ELAPOR2: variants seen among roughly 807,000 people sequenced by gnomAD.
ELAPOR2 encodes endosome/lysosome-associated apoptosis and autophagy regulator family member 2.
In ELAPOR2, 89 loss-of-function variants were observed where a neutral mutation model predicts 120.7. The ratio of observed to expected loss-of-function variants is 0.74; its 90% CI spans 0.62 to 0.88. ELAPOR2 has a LOEUF of 0.88. Among genes scored for constraint, ELAPOR2 ranks in the 40% least tolerant of loss-of-function variants. The pLI, the probability that ELAPOR2 is intolerant of heterozygous loss-of-function variation, is 0.00. For missense variants in ELAPOR2, 1,134 were observed against 1,251.6 expected (o/e 0.91, Z 1.42); for synonymous variants, 444 against 444.9 (o/e 1.00, Z 0.03).
At position 87,041,068 on chromosome 7, in the gene ELAPOR2, G is replaced by T. The variant is rs1401749351; in HGVS notation, c.189+18257C>A. Among the ~76,000 whole-genome samples, 1,103 of 152,000 alleles carry T rather than the reference G, an allele frequency of 7.3e-3. 12 individuals are homozygous for T. The highest frequency in any genetic ancestry group is 0.026 in the African/African-American group (1,059 of 41,322). On this transcript the variant is annotated intron_variant, in intron 1 of 21. Transcript: ENST00000450689. ...GGAGAAGGGAAGTTTAGAGAAAAAA[G>T]AATAAAAAGAAATGAGCAAAGCCTC...
chr7:87,039,607 C>A (rs886667843), intron 1 of ELAPOR2, among the ~76,000 whole-genome samples: 5 of 152,046 alleles, frequency 3.3e-5, no homozygotes, highest in Admixed American at 6.5e-5. Context: ...TCAACATACG[C>A]AAATAAATCA....
chr7:86,995,829 T>A (rs1793104359), intron 1 of ELAPOR2, among the ~76,000 whole-genome samples: 1 of 152,226 alleles, frequency 6.6e-6, no homozygotes, highest in South Asian at 2.1e-4. Flanking sequence ...ATATTAAGTA[T>A]ATATTACTAG....
At chr7:86,893,225 T>C in intron 19 of ELAPOR2, 125 bp from the exon 20 acceptor site, 1 of 675,370 alleles carries the variant, frequency 1.5e-6, no homozygotes, top group South Asian at 2.3e-5. Context: ...GCTAACCCTT[T>C]ACTTACAGTA....
At chr7:86,897,382 C>A in intron 19 of ELAPOR2, 124 bp downstream of exon 19, 2 of 1,185,562 alleles carry the variant, frequency 1.7e-6, no homozygotes, top group South Asian at 1.6e-5. Flanking sequence ...TTTTAAATGC[C>A]TACCAATGTA....
intron 1 of ELAPOR2, among the ~76,000 whole-genome samples, chr7:86,998,077 T>A (rs1404629246): frequency 2.6e-5 from 4 of 152,004 alleles, no homozygotes; most frequent in African/African-American, 9.7e-5. Flanking sequence ...TGTACATATT[T>A]ATCAAAAAAA....
At chr7:87,048,890 A>G (rs4728666) in intron 1 of ELAPOR2, among the ~76,000 whole-genome samples, 93,512 of 152,156 alleles carry the variant, frequency 0.61, 30,269 homozygotes, top group East Asian at 0.89. Context: ...ATGTCCTTCA[A>G]TCTAACTTTT....
At chr7:86,904,265 T>A (rs1432271192) in intron 18 of ELAPOR2, among the ~76,000 whole-genome samples, 1 of 152,182 alleles carries the variant, frequency 6.6e-6, no homozygotes, top group Non-Finnish European at 1.5e-5. Context: ...CTCATGTTTT[T>A]AAAAGAACCC....
intron 19 of ELAPOR2, 31 bp from the exon 20 acceptor site, chr7:86,893,131 G>A (rs1162266131): frequency 2.7e-6 from 4 of 1,477,140 alleles, no homozygotes; most frequent in East Asian, 2.6e-5. Flanking sequence ...AACCATAGAA[G>A]ACATGAGAAA....
chr7:86,978,099 T>G (rs1792340628), intron 1 of ELAPOR2, among the ~76,000 whole-genome samples: 1 of 152,168 alleles, frequency 6.6e-6, no homozygotes, highest in Non-Finnish European at 1.5e-5. Context: ...TGGAGATAAT[T>G]AAATCATGGG....
At chr7:86,995,124 T>C (rs1276669759) in intron 1 of ELAPOR2, among the ~76,000 whole-genome samples, 1 of 152,178 alleles carries the variant, frequency 6.6e-6, no homozygotes, top group East Asian at 1.9e-4. Flanking sequence ...AGCGTCACCT[T>C]CAGGCAAGAC....
chr7:86,979,817 G>C (rs1240978947), intron 1 of ELAPOR2, among the ~76,000 whole-genome samples: 1 of 152,188 alleles, frequency 6.6e-6, no homozygotes, highest in Non-Finnish European at 1.5e-5. Context: ...AGTAGCTCAG[G>C]AGACTCCCAG....
chr7:87,025,116 T>C (rs912622477), intron 1 of ELAPOR2, among the ~76,000 whole-genome samples: 2 of 152,060 alleles, frequency 1.3e-5, no homozygotes, highest in Non-Finnish European at 2.9e-5. Context: ...CCCTAAACCT[T>C]GTCTTGAGGA....
At chr7:86,945,151 C>G in intron 3 of ELAPOR2, 105 bp from the exon 4 acceptor site, 1 of 983,816 alleles carries the variant, frequency 1.0e-6, no homozygotes, top group South Asian at 1.7e-5. Context: ...CAGCAAAGTA[C>G]AGCAGAAAAC....
chr7:87,023,304 C>A (rs1794125156), intron 1 of ELAPOR2, among the ~76,000 whole-genome samples: 1 of 152,164 alleles, frequency 6.6e-6, no homozygotes, highest in South Asian at 2.1e-4. Flanking sequence ...TTTCCCAGCA[C>A]CATTTATTAA....
At chr7:86,928,450 C>T (rs1389390933) in intron 8 of ELAPOR2, among the ~76,000 whole-genome samples, 1 of 151,914 alleles carries the variant, frequency 6.6e-6, no homozygotes, top group South Asian at 2.1e-4. Flanking sequence ...AAATGGATTG[C>T]GTTATGTGTG....
chr7:87,058,726 C>T (rs1365313201), intron 1 of ELAPOR2, among the ~76,000 whole-genome samples: 1 of 152,202 alleles, frequency 6.6e-6, no homozygotes, highest in African/African-American at 2.4e-5. Context: ...CAACCTGCAT[C>T]TTCTCTACCA....
chr7:86,971,701 G>T (rs891412437), intron 1 of ELAPOR2, among the ~76,000 whole-genome samples: 2 of 152,164 alleles, frequency 1.3e-5, no homozygotes, highest in African/African-American at 2.4e-5. Flanking sequence ...AATAGATGCA[G>T]GTGGCAACAA....
intron 1 of ELAPOR2, among the ~76,000 whole-genome samples, chr7:87,034,244 A>G (rs75070397): frequency 6.6e-6 from 1 of 152,318 alleles, no homozygotes; most frequent in Non-Finnish European, 1.5e-5. Flanking sequence ...TAACTTAAAC[A>G]TGGGGAGAAG....
At chr7:86,995,680 A>C (rs1164363478) in intron 1 of ELAPOR2, among the ~76,000 whole-genome samples, 1 of 152,210 alleles carries the variant, frequency 6.6e-6, no homozygotes, top group Non-Finnish European at 1.5e-5. Flanking sequence ...GAAATGGGAC[A>C]AGAAGAGTGG....
Sources: gnomAD v4.1 joint callset for allele counts (sites outside exome capture counted in the v4.1 genomes callset) on GRCh38, gnomAD v4.1.1 for gene constraint, MANE v1.5 for transcripts, NCBI Gene and HGNC (gene_info 2026-07-23, HGNC 2026-07-21) for gene names.